Variants in POLR1E observed in about 807,000 individuals in gnomAD.
POLR1E encodes RNA polymerase I subunit E, also known as DNA-directed RNA polymerase I subunit RPA49.
In POLR1E, 37 loss-of-function variants were observed where a neutral mutation model predicts 50.9. The observed-to-expected ratio is 0.73, with a 90% CI of 0.56 to 0.96. The LOEUF (loss-of-function observed/expected upper bound fraction) is 0.96, where lower values mean the gene tolerates loss of function less well. POLR1E is among the 40% of genes least tolerant of loss of function. POLR1E has a pLI of 0.00. For missense variants in POLR1E, 426 were observed against 518.1 expected, an observed-to-expected ratio of 0.82 and a Z score of 1.73; for synonymous variants, 166 against 191.6, an observed-to-expected ratio of 0.87 and a Z score of 1.10.
chr9:37,486,660 T>C (rs1344317952), intron 1 of POLR1E, 43 bp from the exon 2 acceptor site: 1 of 1,613,982 alleles, frequency 6.2e-7, no homozygotes, highest in Admixed American at 1.7e-5. Flanking sequence ...GTACATTGTG[T>C]GGCCTTCTGC....
intron 2 of POLR1E, 114 bp downstream of exon 2, chr9:37,486,920 C>T: frequency 2.5e-6 from 3 of 1,197,322 alleles, no homozygotes; most frequent in Non-Finnish European, 3.4e-6. Flanking sequence ...GCAAATGGAG[C>T]TTTGAAGAAC....
At chr9:37,489,932 G>A (rs1181561918) in intron 4 of POLR1E, among the ~76,000 whole-genome samples, 1 of 152,084 alleles carries the variant, frequency 6.6e-6, no homozygotes, top group African/African-American at 2.4e-5. Flanking sequence ...CACCAAGCTG[G>A]GGCTGTGGAT....
Position 37,489,302 on chromosome 9 carries a change from C to T in POLR1E, c.258-13C>T. The stretch of plus-strand genomic sequence containing the variant: ...TAATCCATTGTTATTTGTATTATTT[C>T]TTCTTTATTCAGGCACTTTGTGGGA... On this transcript the variant is annotated splice_polypyrimidine_tract_variant and intron_variant, in intron 3 of 11. Coordinates refer to ENST00000377798, the MANE Select transcript of POLR1E (RefSeq NM_022490.4). The T allele has an allele frequency of 6.4e-7, 1 of 1,555,918 alleles. No homozygotes were observed.
chr9:37,495,372 G>T, intron 7 of POLR1E, 96 bp downstream of exon 7: 1 of 1,035,298 alleles, frequency 9.7e-7, no homozygotes, highest in South Asian at 1.3e-5. Context: ...TGTGTTCTGT[G>T]ACATTCACAA....
intron 4 of POLR1E, chr9:37,490,448 T>C: frequency 2.3e-6 from 2 of 852,306 alleles, no homozygotes; most frequent in Non-Finnish European, 4.1e-6. Context: ...AGGGAATAGG[T>C]TCCAGCAGCT....
intron 4 of POLR1E, 49 bp from the exon 5 acceptor site, chr9:37,492,608 G>C: frequency 6.6e-7 from 1 of 1,512,156 alleles, no homozygotes; most frequent in Non-Finnish European, 9.2e-7. Flanking sequence ...ACTATTTGTA[G>C]GCCTCCCAAT....
intron 5 of POLR1E, among the ~76,000 whole-genome samples, chr9:37,493,185 C>A (rs754951): frequency 1.3e-5 from 2 of 151,922 alleles, no homozygotes; most frequent in South Asian, 2.1e-4. Flanking sequence ...CTACTTTTTG[C>A]TTCAGGGGGA....
Position 37,486,780 on chromosome 9 carries a change from C to A in POLR1E, c.154C>A (p.Pro52Thr). ...TLYENKDSTN[P>T]RKRNQRILAA... is the part of the protein sequence containing the mutation. ...GTATGAGAACAAAGATTCCACCAAC[C>A]CCAGGAAGAGGAATCAACGGATCCT... is the stretch of plus-strand genomic sequence containing the variant. The change falls in exon 2 of 12, where the codon CCC becomes ACC. Residue 52 changes from proline to threonine, a missense_variant. Coordinates refer to ENST00000377798, the MANE Select transcript of POLR1E (RefSeq NM_022490.4). 4 of 1,613,192 alleles carry A rather than the reference C, an allele frequency of 2.5e-6. No homozygotes were observed. Among genetic ancestry groups the A allele is most frequent in the Non-Finnish European group, 3.4e-6 (4 of 1,179,818 alleles).
At chr9:37,491,492 C>T (rs1472228875) in intron 4 of POLR1E, among the ~76,000 whole-genome samples, 1 of 148,390 alleles carries the variant, frequency 6.7e-6, no homozygotes, top group Non-Finnish European at 1.5e-5. Flanking sequence ...GAGACCCAGT[C>T]TCGCTTTGTC....
In POLR1E at chr9:37,502,957, A is replaced by G. The variant is rs891221826; in HGVS notation, c.1101-86A>G. On this transcript the variant is annotated intron_variant, in intron 11 of 11. Transcript: ENST00000377798. The stretch of plus-strand genomic sequence containing the variant: ...GGATTCTGTCTTTATGGCCTGGAGC[A>G]TGAATGTGCTGCTACCTTTTGCCAA... 23 of 1,358,088 alleles carry G rather than the reference A, an allele frequency of 1.7e-5. No homozygotes were observed. In the Admixed American group the frequency reaches 2.6e-4, roughly 15 times the overall value. The allele number at this position is 1,358,088 out of a possible 1,614,324, so 84.1% of individuals were successfully genotyped here.
At chr9:37,488,733 T>C (rs1055601289) in intron 3 of POLR1E, among the ~76,000 whole-genome samples, 1 of 152,086 alleles carries the variant, frequency 6.6e-6, no homozygotes, top group Non-Finnish European at 1.5e-5. Context: ...ACTACCGCAG[T>C]GAGCCCAAAT....
intron 9 of POLR1E, among the ~76,000 whole-genome samples, chr9:37,500,071 G>A (rs1025254274): frequency 6.6e-6 from 1 of 151,918 alleles, no homozygotes; most frequent in Non-Finnish European, 1.5e-5. Flanking sequence ...GGCTGGTCTC[G>A]AACTCCTCAC....
intron 9 of POLR1E, among the ~76,000 whole-genome samples, chr9:37,498,796 A>C (rs542423363): frequency 3.3e-5 from 5 of 152,346 alleles, no homozygotes; most frequent in African/African-American, 1.2e-4. Context: ...TTTTAGGCAC[A>C]AGGTGTATTT....
chr9:37,489,848 A>G (rs938834013), intron 4 of POLR1E, among the ~76,000 whole-genome samples: 1 of 152,236 alleles, frequency 6.6e-6, no homozygotes, highest in African/African-American at 2.4e-5. Flanking sequence ...TGCTAGGATT[A>G]CAGGCGCTAG....
At chr9:37,486,298 C>T (rs1820573463) in intron 1 of POLR1E, 175 bp downstream of exon 1, 1 of 1,285,632 alleles carries the variant, frequency 7.8e-7, no homozygotes, top group Non-Finnish European at 1.0e-6. Flanking sequence ...TCTGTCACTA[C>T]CTCCCAGCCA....
chr9:37,499,171 A>G (rs768860404), intron 9 of POLR1E, among the ~76,000 whole-genome samples: 3 of 152,220 alleles, frequency 2.0e-5, no homozygotes, highest in African/African-American at 4.8e-5. Flanking sequence ...GGTCATGCCT[A>G]TATCTCAGCA....
intron 11 of POLR1E, among the ~76,000 whole-genome samples, chr9:37,502,048 A>G (rs1820901054): frequency 6.6e-6 from 1 of 152,246 alleles, no homozygotes; most frequent in Non-Finnish European, 1.5e-5. Flanking sequence ...GTGCTAGATA[A>G]ATTATGTCAT....
chr9:37,497,497 C>T (rs904209200), intron 8 of POLR1E, among the ~76,000 whole-genome samples: 3 of 152,220 alleles, frequency 2.0e-5, no homozygotes, highest in African/African-American at 7.2e-5. Context: ...AACTACAGCC[C>T]ACATGCCAAG....
intron 9 of POLR1E, among the ~76,000 whole-genome samples, chr9:37,500,628 C>T (rs1036087094): frequency 1.3e-5 from 2 of 152,228 alleles, no homozygotes; most frequent in African/African-American, 4.8e-5. Flanking sequence ...CCATCACCAG[C>T]ATCTCTCGTG....
Sources: allele counts gnomAD v4.1 joint callset (sites outside exome capture counted in the v4.1 genomes callset), GRCh38; gene constraint gnomAD v4.1.1; transcripts MANE v1.5; gene names NCBI Gene and HGNC (gene_info 2026-07-23, HGNC 2026-07-21).